Variants in PIK3C2A observed in about 807,000 individuals in gnomAD.
PIK3C2A encodes the protein phosphatidylinositol-4-phosphate 3-kinase catalytic subunit type 2 alpha.
PIK3C2A carries 97 observed loss-of-function variants against 204.5 expected under a neutral mutation model. The ratio of observed to expected loss-of-function variants is 0.47; its 90% CI spans 0.40 to 0.56. PIK3C2A has a LOEUF of 0.56. PIK3C2A is among the 20% of genes least tolerant of loss of function. The pLI, the probability that PIK3C2A is intolerant of heterozygous loss-of-function variation, is 0.00. For synonymous variants in PIK3C2A, 653 were observed against 664.4 expected (o/e 0.98, Z 0.26); for missense variants, 1,735 against 1,969.2 (o/e 0.88, Z 2.25).
chr11:17,206,338 CAAATA>C (rs1337766879), intron 1 of PIK3C2A, among the ~76,000 whole-genome samples: 3 of 152,080 alleles, frequency 2.0e-5, no homozygotes, highest in Non-Finnish European at 4.4e-5. Context: ...TCTGAGTTAA[CAAATA>C]AAATCTCTCT....
chr11:17,152,681 C>A (rs1179401971), intron 3 of PIK3C2A, among the ~76,000 whole-genome samples: 1 of 152,056 alleles, frequency 6.6e-6, no homozygotes, highest in Non-Finnish European at 1.5e-5. Flanking sequence ...AAGGCTTTGT[C>A]TATTTAGTGT....
intron 21 of PIK3C2A, among the ~76,000 whole-genome samples, chr11:17,111,387 T>C (rs1848995526): frequency 6.6e-6 from 1 of 152,166 alleles, no homozygotes; most frequent in South Asian, 2.1e-4. Context: ...TGCCTATGAA[T>C]CTATAATTAT....
chr11:17,099,941 G>A lies in PIK3C2A; in HGVS notation c.4037C>T (p.Thr1346Ile). ...AACGTATTTCAAATCTTGAATACTT[G>A]TAAGTTCTGGTAACCCTGAAGGAAT... The part of the protein sequence containing the change: ...LMIPSGLPEL[T>I]SIQDLKYVRD... Residue 1346 changes from threonine (T) to isoleucine (I), a missense_variant, in exon 26 of 33, where the codon ACA becomes ATA. Around this residue, in one of 6 missense-constraint regions of PIK3C2A, gnomAD observed 503 missense variants for 669.0 expected, o/e 0.75. Coordinates refer to ENST00000691414, the MANE Select transcript of PIK3C2A (RefSeq NM_002645.4). 6 of 1,574,312 alleles carry A rather than the reference G, an allele frequency of 3.8e-6. No individual in the cohort carries two copies. Among genetic ancestry groups the A allele is most frequent in the South Asian group, 1.1e-5 (1 of 89,860 alleles).
rs1850504188 is a variant in PIK3C2A, at chr11:17,154,039, C to T, written c.1169+1487G>A. Among the ~76,000 whole-genome samples the T allele has an allele frequency of 2.6e-5, 4 of 152,284 alleles. No homozygotes were observed. In the South Asian group the frequency reaches 8.3e-4, roughly 32 times the overall value. On this transcript the variant is annotated intron_variant, in intron 3 of 32. Transcript: ENST00000691414. ...AATAAAATTACAAAGAGAACTCATT[C>T]TCTCTTTAGTCCATTTGCAGTTTCG...
intron 8 of PIK3C2A, among the ~76,000 whole-genome samples, chr11:17,138,555 T>C (rs947852261): frequency 1.3e-5 from 2 of 152,210 alleles, no homozygotes; most frequent in African/African-American, 4.8e-5. Flanking sequence ...CAGAGTGTTT[T>C]ACTGTCCTTT....
At chr11:17,171,278 T>G (rs542059716) in intron 1 of PIK3C2A, among the ~76,000 whole-genome samples, 49 of 152,242 alleles carry the variant, frequency 3.2e-4, no homozygotes, top group African/African-American at 1.1e-3. Context: ...AAATAAATGG[T>G]ACGTATTATT....
At position 17,086,668 on chromosome 11, in the gene PIK3C2A, T is replaced by C. The variant is rs943718126; in HGVS notation, c.*3070A>G. 3.9e-5 allele frequency: 6 copies of C among 152,216 alleles called. No individual in the cohort carries two copies. Among genetic ancestry groups the C allele is most frequent in the Admixed American group, 3.9e-4 (6 of 15,274 alleles). 9.4% of individuals were successfully genotyped at this position (152,216 alleles called of 1,614,324 possible). On this transcript the variant is annotated 3_prime_UTR_variant, in exon 33 of 33. Transcript: ENST00000691414. The stretch of plus-strand genomic sequence containing the variant: ...ATTCAAGGTATTAATAAAAATATTA[T>C]ACATCTTTATTCACTATCTTAATAT...
chr11:17,182,229 T>A (rs1473322349), intron 1 of PIK3C2A, among the ~76,000 whole-genome samples: 1 of 152,162 alleles, frequency 6.6e-6, no homozygotes, highest in East Asian at 1.9e-4. Flanking sequence ...TATTTATAAT[T>A]ATTTGTTAAA....
intron 1 of PIK3C2A, chr11:17,194,212 G>T: frequency 2.4e-6 from 1 of 416,654 alleles, no homozygotes; most frequent in Non-Finnish European, 4.1e-6. Context: ...CAAACGACAA[G>T]GACAAGGATC....
chr11:17,173,211 C>T (rs867952455), intron 1 of PIK3C2A, among the ~76,000 whole-genome samples: 7 of 152,148 alleles, frequency 4.6e-5, no homozygotes, highest in African/African-American at 1.7e-4. Context: ...GCAGAACCTA[C>T]GGCTTCCATT....
chr11:17,190,140 G>C (rs772879755), intron 1 of PIK3C2A, among the ~76,000 whole-genome samples: 11 of 152,012 alleles, frequency 7.2e-5, no homozygotes, highest in Non-Finnish European at 1.0e-4. Flanking sequence ...ACGCGTGCCT[G>C]TAATCCCAGT....
intron 1 of PIK3C2A, among the ~76,000 whole-genome samples, chr11:17,171,051 C>T (rs758324734): frequency 7.9e-5 from 12 of 151,848 alleles, no homozygotes; most frequent in Admixed American, 5.9e-4. Context: ...TGCAGTGAGC[C>T]GAGATCACGT....
chr11:17,091,491 G>C (rs1848309481), intron 31 of PIK3C2A, 32 bp from the exon 32 acceptor site: 1 of 1,609,942 alleles, frequency 6.2e-7, no homozygotes, highest in African/African-American at 1.3e-5. Flanking sequence ...TAATAGTAAT[G>C]CTTCCTACCA....
intron 22 of PIK3C2A, among the ~76,000 whole-genome samples, chr11:17,105,638 C>A (rs186758354): frequency 1.1e-3 from 163 of 152,290 alleles, no homozygotes; most frequent in African/African-American, 3.7e-3. Flanking sequence ...TGAGTGGGAA[C>A]ATGAGATGTT....
At chr11:17,160,808 A>G (rs954167767) in intron 2 of PIK3C2A, among the ~76,000 whole-genome samples, 12 of 152,170 alleles carry the variant, frequency 7.9e-5, no homozygotes, top group African/African-American at 2.9e-4. Context: ...TGGATGACAG[A>G]GCAAGACCCT....
chr11:17,128,903 T>C (rs1013772207), intron 13 of PIK3C2A, among the ~76,000 whole-genome samples: 2 of 152,194 alleles, frequency 1.3e-5, no homozygotes, highest in Non-Finnish European at 2.9e-5. Flanking sequence ...AATGTGCACC[T>C]ATAGATTCTC....
At position 17,169,186 on chromosome 11, in the gene PIK3C2A, A is replaced by T. The variant is rs1249005253; in HGVS notation, c.556T>A (p.Tyr186Asn). Residue 186 changes from tyrosine (Y) to asparagine (N), a missense_variant, in exon 2 of 33, where the codon TAT (tyrosine) becomes AAT (asparagine). By Grantham distance (143) the Tyr-to-Asn change is moderately radical. Coordinates refer to ENST00000691414, the MANE Select transcript of PIK3C2A (RefSeq NM_002645.4). ...GGAGATTGTCCCGGAAGACTTAAAT[A>T]TATAGGTTCTGTAGATGGAAAAGTG... ...MPTFPSTEPI[Y>N]LSLPGQSPYF... is the part of the protein sequence containing the mutation. 1 of 1,614,026 alleles carries T rather than the reference A, an allele frequency of 6.2e-7. No homozygotes were observed.
chr11:17,100,558 A>T (rs936692035), intron 25 of PIK3C2A, among the ~76,000 whole-genome samples: 2 of 151,934 alleles, frequency 1.3e-5, no homozygotes, highest in African/African-American at 4.8e-5. Context: ...TTTAGGGGGT[A>T]CAAGTACAAT....
intron 2 of PIK3C2A, among the ~76,000 whole-genome samples, chr11:17,160,836 C>A (rs1850750131): frequency 6.6e-6 from 1 of 151,940 alleles, no homozygotes; most frequent in South Asian, 2.1e-4. Flanking sequence ...CAAAACCAAA[C>A]CAAAACAAAA....
Sources: gnomAD v4.1 joint callset for allele counts (sites outside exome capture counted in the v4.1 genomes callset) on GRCh38, gnomAD v4.1.1 for gene constraint, gnomAD v4.1.1 regional missense constraint, MANE v1.5 for transcripts, NCBI Gene and HGNC (gene_info 2026-07-23, HGNC 2026-07-21) for gene names.